The following ANXA9 variants were observed in gnomAD, a reference collection of about 807,000 sequenced individuals.
The protein encoded by ANXA9 is annexin A9, also known as annexin 31.
Under a neutral mutation model 51.8 loss-of-function variants are expected in ANXA9, and 47 were observed. The ratio of observed to expected loss-of-function variants is 0.91; its 90% CI spans 0.72 to 1.16. The LOEUF (loss-of-function observed/expected upper bound fraction) is 1.16. Among genes scored for constraint, ANXA9 ranks in the 50% most tolerant of loss-of-function variants. ANXA9 has a pLI of 0.00. For missense variants in ANXA9, 361 were observed against 424.7 expected, an observed-to-expected ratio of 0.85 and a Z score of 1.32; for synonymous variants, 154 against 168.7, an observed-to-expected ratio of 0.91 and a Z score of 0.68.
At chr1:150,990,512 G>A (rs115773278) in intron 12 of ANXA9, among the ~76,000 whole-genome samples, 1,857 of 152,222 alleles carry the variant, frequency 0.012, 23 homozygotes, top group African/African-American at 0.042. Context: ...GATTACAGGC[G>A]TAGGCCACCA....
upstream of ANXA9, among the ~76,000 whole-genome samples, chr1:150,979,706 A>G (rs1671382432): frequency 6.6e-6 from 1 of 152,206 alleles, no homozygotes; most frequent in African/African-American, 2.4e-5. Context: ...ATTGGCCAGA[A>G]AAGTTTCAGA....
At chr1:150,985,399 C>T (rs970258747) in intron 7 of ANXA9, among the ~76,000 whole-genome samples, 1 of 152,046 alleles carries the variant, frequency 6.6e-6, no homozygotes, top group South Asian at 2.1e-4. Context: ...GGGAATCTGC[C>T]CTCTGAGTCA....
At chr1:150,984,479 C>A in intron 6 of ANXA9, 85 bp downstream of exon 6, 4 of 1,533,992 alleles carry the variant, frequency 2.6e-6, no homozygotes, top group Non-Finnish European at 3.6e-6. Context: ...GTCCCCCTCT[C>A]GTCGTCCCAT....
intron 9 of ANXA9, 22 bp from the exon 10 acceptor site, chr1:150,987,850 C>G (rs376997959): frequency 6.2e-7 from 1 of 1,608,034 alleles, no homozygotes; most frequent in Non-Finnish European, 8.5e-7. Context: ...TGACTCCTCC[C>G]TGACTCATTC....
At chr1:150,992,776 C>T (rs1407574091) in intron 12 of ANXA9, among the ~76,000 whole-genome samples, 1 of 152,164 alleles carries the variant, frequency 6.6e-6, no homozygotes, top group African/African-American at 2.4e-5. Flanking sequence ...CCACTGCATT[C>T]CACTCTGGGT....
In ANXA9 at chr1:150,986,543, G is replaced by C. The variant is rs1423867268; in HGVS notation, c.553-59G>C. ...TAGGGGAGACCAGCCTTCGCTTGTT[G>C]GTCTGAAGATAAAAAGGTGCCCTTC... On this transcript the variant is annotated intron_variant, in intron 8 of 13. Coordinates refer to ENST00000368947, the MANE Select transcript of ANXA9 (RefSeq NM_003568.3). 40 of 1,592,570 alleles carry C rather than the reference G, an allele frequency of 2.5e-5. No individual in the cohort carries two copies. In the East Asian group the frequency reaches 6.0e-4, roughly 24 times the overall value.
At chr1:150,986,445 G>A in intron 8 of ANXA9, 30 bp downstream of exon 8, 1 of 1,609,886 alleles carries the variant, frequency 6.2e-7, no homozygotes, top group Admixed American at 1.7e-5. Context: ...AAGGAAGGGA[G>A]TCACGTTCAC....
At chr1:150,988,473 A>C (rs1671622292) in intron 12 of ANXA9, 132 bp downstream of exon 12, 1 of 1,105,124 alleles carries the variant, frequency 9.0e-7, no homozygotes, top group African/African-American at 1.6e-5. Flanking sequence ...CAGGGCTTAC[A>C]CACCAGGGCT....
chr1:150,987,032 T>A (rs587691461), intron 9 of ANXA9, among the ~76,000 whole-genome samples: 2 of 152,172 alleles, frequency 1.3e-5, no homozygotes, highest in East Asian at 3.9e-4. Flanking sequence ...CCCTATTTCT[T>A]TCTTAAAAAA....
intron 7 of ANXA9, among the ~76,000 whole-genome samples, chr1:150,985,516 C>A (rs587672218): frequency 1.4e-4 from 22 of 152,074 alleles, no homozygotes; most frequent in South Asian, 4.2e-4. Flanking sequence ...CCCTTCCCCC[C>A]ACCCCTACCT....
intron 12 of ANXA9, among the ~76,000 whole-genome samples, chr1:150,991,299 C>T (rs1285975673): frequency 2.0e-5 from 3 of 151,536 alleles, no homozygotes; most frequent in African/African-American, 7.3e-5. Flanking sequence ...TGCAGTGGCG[C>T]GATCTCGGCT....
At chr1:150,978,079 T>A (rs1293469893), upstream of ANXA9, among the ~76,000 whole-genome samples, 1 of 151,996 alleles carries the variant, frequency 6.6e-6, no homozygotes, top group African/African-American at 2.4e-5. Context: ...GAGGTTGCAG[T>A]GAGCCGAGAT....
rs1468685877 is a variant in ANXA9 at position 150,988,197 on chromosome 1, G to T, written c.793+11G>T. ...CTCTGCTCGGCCTAGGTAGGGGCCT[G>T]CTCAGGATTTGTGAAGTAAGTCTCT... On this transcript the variant is annotated intron_variant, in intron 11 of 13. Coordinates refer to ENST00000368947, the MANE Select transcript of ANXA9 (RefSeq NM_003568.3). 6.2e-7 allele frequency: 1 copy of T among 1,614,226 alleles called. No homozygotes were observed. Among genetic ancestry groups the T allele is most frequent in the South Asian group, 1.1e-5 (1 of 91,084 alleles).
rs587712718 is a variant in ANXA9, at chr1:150,986,621, C to A, written c.572C>A (p.Ser191Tyr). Residue 191 changes from serine (S) to tyrosine (Y), a missense_variant, in exon 9 of 14, where the codon TCT (serine) becomes TAT (tyrosine). By Grantham distance (144) the Ser-to-Tyr change is moderately radical. Transcript: ENST00000368947. Reference protein sequence around the residue: ...ALAKGGRDSYSGIIDYNLAEQ... With the variant: ...ALAKGGRDSYYGIIDYNLAEQ... The stretch of plus-strand genomic sequence containing the variant: ...TCCTAGGGGGGCCGTGACAGCTACT[C>A]TGGAATCATTGACTATAATCTGGCA... 4.2e-5 allele frequency: 67 copies of A among 1,604,458 alleles called. 1 individual carries two copies. The South Asian group carries it at 7.1e-4, about 17-fold the overall frequency.
chr1:150,994,671 T>C lies in ANXA9; in HGVS notation c.947T>C (p.Phe316Ser), dbSNP rs780023635. 3 of 1,613,960 alleles carry C rather than the reference T, an allele frequency of 1.9e-6. No individual in the cohort carries two copies. Among genetic ancestry groups the C allele is most frequent in the Non-Finnish European group, 2.5e-6 (3 of 1,179,976 alleles). ...ATCAGAGCTGAGTTCAGGAAGAAAT[T>C]TGGGAAGTCCCTCTACTCTTCTCTC... ...LSIRAEFRKKFGKSLYSSLQD... is the reference protein window; with the variant it reads ...LSIRAEFRKKSGKSLYSSLQD... The change falls in exon 13 of 14, where the codon TTT becomes TCT. Residue 316 changes from phenylalanine to serine, a missense_variant. By Grantham distance (155) the Phe-to-Ser change is radical. Coordinates refer to ENST00000368947, the MANE Select transcript of ANXA9 (RefSeq NM_003568.3).
At chr1:150,986,173 G>A (rs937085753) in intron 7 of ANXA9, among the ~76,000 whole-genome samples, 163 bp from the exon 8 acceptor site, 4 of 152,138 alleles carry the variant, frequency 2.6e-5, no homozygotes, top group Non-Finnish European at 4.4e-5. Context: ...TGGCCGTGAT[G>A]GTACTTGTGC....
chr1:150,980,606 C>T (rs1318141532), upstream of ANXA9, among the ~76,000 whole-genome samples: 7 of 112,394 alleles, frequency 6.2e-5, no homozygotes, highest in Non-Finnish European at 8.4e-5. Context: ...GAGACGGAGT[C>T]TCACTCTGTC....
intron 12 of ANXA9, among the ~76,000 whole-genome samples, chr1:150,993,420 T>C (rs944018978): frequency 1.3e-5 from 2 of 151,918 alleles, no homozygotes; most frequent in Non-Finnish European, 2.9e-5. Context: ...GCAATTCTCC[T>C]ACCTCACCCT....
chr1:150,982,188 C>T (rs1313725106), upstream of ANXA9: 3 of 152,472 alleles, frequency 2.0e-5, no homozygotes, highest in Admixed American at 1.3e-4. Flanking sequence ...GCCCGGTCCT[C>T]TCCCACGTCT....
Sources: allele counts gnomAD v4.1 joint callset (sites outside exome capture counted in the v4.1 genomes callset), GRCh38; gene constraint gnomAD v4.1.1; transcripts MANE v1.5; gene names NCBI Gene and HGNC (gene_info 2026-07-23, HGNC 2026-07-21).